Variants in CREBRF observed in about 807,000 individuals in gnomAD.
CREBRF encodes UPF0474 protein C5orf41.
A neutral mutation model predicts 66.1 loss-of-function variants in CREBRF; 5 were observed. The observed-to-expected ratio is 0.08, with a 90% CI of 0.04 to 0.16. The LOEUF is 0.16. Ranked by LOEUF, CREBRF falls within the 10% of genes least tolerant of loss-of-function variation. The pLI, the probability that CREBRF is intolerant of heterozygous loss-of-function variation, is 1.00. For synonymous variants in CREBRF, 229 were observed against 264.4 expected, an observed-to-expected ratio of 0.87 and a Z score of 1.30; for missense variants, 531 against 744.9, an observed-to-expected ratio of 0.71 and a Z score of 3.34.
At chr5:173,074,074 G>A (rs889012937) in intron 1 of CREBRF, among the ~76,000 whole-genome samples, 8 of 151,900 alleles carry the variant, frequency 5.3e-5, no homozygotes, top group African/African-American at 1.4e-4. Context: ...AGGCTGAGGC[G>A]GGTAGATCAC....
At chr5:173,067,757 G>A (rs1254579857) in intron 1 of CREBRF, among the ~76,000 whole-genome samples, 1 of 152,176 alleles carries the variant, frequency 6.6e-6, no homozygotes, top group Admixed American at 6.5e-5. Context: ...CAGCACTTTG[G>A]GAGGCTGAGG....
At position 173,137,541 on chromosome 5, in the gene CREBRF, G is replaced by C. The variant is rs371072058; in HGVS notation, c.*3796G>C. The C allele has an allele frequency of 1.9e-4, 29 of 152,130 alleles. 1 individual carries two copies. Among genetic ancestry groups the C allele is most frequent in the East Asian group, 1.7e-3 (9 of 5,180 alleles). The allele number at this position is 152,130 out of a possible 1,614,324, so 9.4% of individuals were successfully genotyped here. A position where few individuals can be genotyped will look rare whatever the true frequency, so the allele number is the denominator to read the frequency against. ...AAAGAAAGGTGTGTTCAATTCATCA[G>C]CTTGAAATTGACTATTTCATTTTTC... On this transcript the variant is annotated 3_prime_UTR_variant, in exon 9 of 9. Coordinates refer to ENST00000296953, the MANE Select transcript of CREBRF (RefSeq NM_153607.3).
At chr5:173,100,118 G>GTGTGTATATATATA (rs70984939) in intron 4 of CREBRF, among the ~76,000 whole-genome samples, 16 of 88,382 alleles carry the variant, frequency 1.8e-4, no homozygotes, top group East Asian at 3.0e-4. Flanking sequence ...GTGTGTGTGT[G>GTGTGTATATATATA]TATATATATA....
At chr5:173,103,622 C>T (rs1377187455) in intron 4 of CREBRF, among the ~76,000 whole-genome samples, 3 of 152,198 alleles carry the variant, frequency 2.0e-5, no homozygotes, top group Non-Finnish European at 4.4e-5. Context: ...AGTTCACGAG[C>T]CTACAAAGTT....
chr5:173,070,546 G>A (rs1025172131), intron 1 of CREBRF, among the ~76,000 whole-genome samples: 7 of 151,794 alleles, frequency 4.6e-5, no homozygotes, highest in African/African-American at 1.7e-4. Context: ...AACATGCATC[G>A]GTCCAGTGCC....
At position 173,090,307 on chromosome 5, in the gene CREBRF, T is replaced by G; in HGVS notation, c.136-8T>G. On this transcript the variant is annotated splice_region_variant and splice_polypyrimidine_tract_variant and intron_variant, in intron 3 of 8. Transcript: ENST00000296953. This position sits in a 1 kb window ranked among gnomAD's most constrained non-coding sequence, Gnocchi z 4.5. Reference sequence around the variant, plus strand: ...GATGTGCAATTTCTTTTTTAAAACCTTTCTCAGGATAGAGAGATGAACTAC... The same window carrying G: ...GATGTGCAATTTCTTTTTTAAAACCGTTCTCAGGATAGAGAGATGAACTAC... The G allele has an allele frequency of 6.4e-7, 1 of 1,567,368 alleles. No individual in the cohort carries two copies. Among genetic ancestry groups the G allele is most frequent in the Non-Finnish European group, 8.7e-7 (1 of 1,151,084 alleles).
intron 2 of CREBRF, among the ~76,000 whole-genome samples, chr5:173,082,003 G>GGT (rs1757959628): frequency 3.3e-4 from 26 of 78,050 alleles, no homozygotes; most frequent in Non-Finnish European, 5.2e-4. Flanking sequence ...TCAAGGTTTA[G>GGT]TTTTTTTTTT....
chr5:173,101,554 T>G (rs1758627953), intron 4 of CREBRF, among the ~76,000 whole-genome samples: 1 of 151,756 alleles, frequency 6.6e-6, no homozygotes, highest in Non-Finnish European at 1.5e-5. Context: ...TAGTGAAGTT[T>G]TTTTTTTTTT....
intron 1 of CREBRF, among the ~76,000 whole-genome samples, chr5:173,073,104 T>A (rs185208017): frequency 8.7e-4 from 133 of 152,336 alleles, no homozygotes; most frequent in African/African-American, 2.9e-3. Flanking sequence ...ATGATAGAGC[T>A]CACGCATGCA....
At chr5:173,102,699 G>C (rs1339838429) in intron 4 of CREBRF, among the ~76,000 whole-genome samples, 2 of 152,126 alleles carry the variant, frequency 1.3e-5, no homozygotes, top group Non-Finnish European at 2.9e-5. Flanking sequence ...ACAGGCACCA[G>C]CGTGGCATGG....
chr5:173,097,064 C>T (rs1758495140), intron 4 of CREBRF, among the ~76,000 whole-genome samples: 1 of 152,068 alleles, frequency 6.6e-6, no homozygotes, highest in Admixed American at 6.6e-5. Flanking sequence ...CTGTGATTTT[C>T]TTACCTCGTG....
At chr5:173,095,393 C>G (rs1185669513) in intron 4 of CREBRF, among the ~76,000 whole-genome samples, 6 of 151,726 alleles carry the variant, frequency 4.0e-5, no homozygotes, top group Admixed American at 1.3e-4. Flanking sequence ...GTTTCACTGT[C>G]TTAGCCAGGA....
chr5:173,112,158 C>T, intron 6 of CREBRF, 148 bp from the exon 7 acceptor site: 1 of 485,066 alleles, frequency 2.1e-6, no homozygotes, highest in East Asian at 3.4e-5. Context: ...AATCCCAGCA[C>T]TTTAGGAGGC....
chr5:173,127,505 G>A (rs1759305594), intron 8 of CREBRF, among the ~76,000 whole-genome samples: 1 of 149,794 alleles, frequency 6.7e-6, no homozygotes, highest in Admixed American at 6.7e-5. Context: ...TGTCACCCAG[G>A]ATAGAGTGCA....
At chr5:173,067,999 CA>C (rs994266259) in intron 1 of CREBRF, 18,146 of 263,534 alleles carry the variant, frequency 0.069, 1 homozygote, top group South Asian at 0.13. Flanking sequence ...GACTCCACCT[CA>C]AAAAAAAAAA....
rs145582817 is a variant in CREBRF at position 173,078,213 on chromosome 5, A to G, written c.-191-2372A>G. On this transcript the variant is annotated intron_variant, in intron 1 of 8. Coordinates refer to ENST00000296953, the MANE Select transcript of CREBRF (RefSeq NM_153607.3). The stretch of plus-strand genomic sequence containing the variant: ...CTGATTTCTCTATATCCTTGCCAAT[A>G]TTTGTTATTTTCCACTTTTTGGATA... Among the ~76,000 whole-genome samples, 5 of 152,252 alleles carry G rather than the reference A, an allele frequency of 3.3e-5. No individual in the cohort carries two copies. In the East Asian group the frequency reaches 7.7e-4, roughly 24 times the overall value.
At chr5:173,095,640 A>G (rs1758459641) in intron 4 of CREBRF, among the ~76,000 whole-genome samples, 1 of 152,100 alleles carries the variant, frequency 6.6e-6, no homozygotes, top group Non-Finnish European at 1.5e-5. Context: ...TAAGGATTGC[A>G]TTGAATTTGT....
intron 4 of CREBRF, among the ~76,000 whole-genome samples, chr5:173,095,658 T>G (rs1227396847): frequency 6.6e-6 from 1 of 152,170 alleles, no homozygotes; most frequent in African/African-American, 2.4e-5. Context: ...TGTAGTTCAT[T>G]TTGGGTGATA....
intron 8 of CREBRF, among the ~76,000 whole-genome samples, chr5:173,127,351 C>T (rs1443013999): frequency 6.6e-6 from 1 of 151,468 alleles, no homozygotes; most frequent in African/African-American, 2.4e-5. Context: ...GGTTTCACCA[C>T]CTTGGCCAGG....
Sources: gnomAD v4.1 joint callset for allele counts (sites outside exome capture counted in the v4.1 genomes callset) on GRCh38, gnomAD v4.1.1 for gene constraint, Gnocchi (gnomAD v3.1) non-coding constraint, MANE v1.5 for transcripts, NCBI Gene and HGNC (gene_info 2026-07-23, HGNC 2026-07-21) for gene names.